Variants in BCAN observed in about 807,000 individuals in gnomAD.
BCAN encodes brevican.
Under a neutral mutation model 92.4 loss-of-function variants are expected in BCAN, and 51 were observed. That is an observed-to-expected ratio of 0.55 (90% CI 0.44 to 0.70). BCAN has a LOEUF of 0.70. Among genes scored for constraint, BCAN ranks in the 30% least tolerant of loss-of-function variants. BCAN has a pLI of 0.00. For missense variants in BCAN, 1,140 were observed against 1,212.1 expected, an observed-to-expected ratio of 0.94 and a Z score of 0.88; for synonymous variants, 501 against 505.2, an observed-to-expected ratio of 0.99 and a Z score of 0.11.
At position 156,658,749 on chromosome 1, in the gene BCAN, A is replaced by G. The variant is rs1390398802; in HGVS notation, c.2628+16A>G. 6.2e-7 allele frequency: 1 copy of G among 1,613,668 alleles called. No homozygotes were observed. Among genetic ancestry groups the G allele is most frequent in the Non-Finnish European group, 8.5e-7 (1 of 1,179,882 alleles). On this transcript the variant is annotated intron_variant, in intron 13 of 13. Coordinates refer to ENST00000329117, the MANE Select transcript of BCAN (RefSeq NM_021948.5). This position sits in a 1 kb window ranked among gnomAD's most constrained non-coding sequence, Gnocchi z 4.4. ...CAGAAGACCTGTGAGTGCCAGGAAG[A>G]GGCAGGTGGGAGTGGGAGACAGTAG...
rs763053957 is a variant in BCAN, at chr1:156,658,605, T to C, written c.2500T>C (p.Tyr834His). 10 of 1,613,998 alleles carry C rather than the reference T, an allele frequency of 6.2e-6. No individual in the cohort carries two copies. Among genetic ancestry groups the C allele is most frequent in the Non-Finnish European group, 8.5e-6 (10 of 1,180,004 alleles). The change falls in exon 13 of 14, where the codon TAT becomes CAT. Residue 834 changes from tyrosine to histidine, a missense_variant. Coordinates refer to ENST00000329117, the MANE Select transcript of BCAN (RefSeq NM_021948.5). The surrounding 1 kb of genome is among the most constrained non-coding windows in gnomAD (Gnocchi z 4.4). ...AQVFGRPRLRYEVDTVLRYRC... is the reference protein window; with the variant it reads ...AQVFGRPRLRHEVDTVLRYRC... ...AGTGTTCGGCCGCCCACGGCTGCGC[T>C]ATGAGGTGGACACTGTGCTTCGCTA...
At chr1:156,648,953 A>G (rs901686780) in intron 6 of BCAN, 92 bp downstream of exon 6, 3 of 1,395,522 alleles carry the variant, frequency 2.1e-6, no homozygotes, top group Admixed American at 2.3e-5. Flanking sequence ...AGTTTAGCTC[A>G]GGGCTTTGCC....
At chr1:156,650,388 C>T (rs1679120989) in intron 6 of BCAN, among the ~76,000 whole-genome samples, 1 of 152,142 alleles carries the variant, frequency 6.6e-6, no homozygotes, top group South Asian at 2.1e-4. Flanking sequence ...TCCTGTCTTG[C>T]CTGGCTGAGC....
intron 6 of BCAN, 27 bp from the exon 7 acceptor site, chr1:156,651,429 C>T (rs776239118): frequency 2.2e-5 from 35 of 1,583,348 alleles, no homozygotes; most frequent in Middle Eastern, 3.3e-4. Flanking sequence ...TATTCAGGCT[C>T]GCATCAATAC....
chr1:156,653,712 G>A (rs1031959826), intron 8 of BCAN, among the ~76,000 whole-genome samples: 1 of 152,078 alleles, frequency 6.6e-6, no homozygotes, highest in Non-Finnish European at 1.5e-5. Context: ...TTTCCTTCCT[G>A]GCTGCTAAGA....
At chr1:156,649,929 G>A (rs1557988402) in intron 6 of BCAN, 1 of 519,000 alleles carries the variant, frequency 1.9e-6, no homozygotes, top group Non-Finnish European at 3.8e-6. Context: ...GAAGGATGAA[G>A]ACACAGCTTT....
chr1:156,645,178 C>CT (rs1465026992), intron 1 of BCAN, among the ~76,000 whole-genome samples: 3 of 152,176 alleles, frequency 2.0e-5, no homozygotes, highest in Non-Finnish European at 2.9e-5. Context: ...ATTCTCCCCC[C>CT]CCTTAGTCCA....
At chr1:156,649,902 C>T (rs1679105935) in intron 6 of BCAN, 2 of 518,868 alleles carry the variant, frequency 3.9e-6, no homozygotes, top group Non-Finnish European at 7.7e-6. Flanking sequence ...CCTTGAACCT[C>T]AGGGAGCACT....
rs1679405470 is a variant in BCAN, at chr1:156,658,227, T to C, written c.2393T>C (p.Val798Ala). The C allele has an allele frequency of 6.2e-7, 1 of 1,613,964 alleles. No homozygotes were observed. Among genetic ancestry groups the C allele is most frequent in the African/African-American group, 1.3e-5 (1 of 74,950 alleles). Residue 798 changes from valine to alanine, a missense_variant, in exon 12 of 14, where the codon GTG becomes GCG. Val to Ala is a moderately conservative substitution (Grantham distance 64). Coordinates refer to ENST00000329117, the MANE Select transcript of BCAN (RefSeq NM_021948.5). The surrounding 1 kb of genome is among the most constrained non-coding windows in gnomAD (Gnocchi z 4.4). ...VWHDQGQWSD[V>A]PCNYHLSYTC... ...CATGATCAGGGACAATGGAGTGACG[T>C]GCCCTGCAACTACCACCTGTCCTAC...
rs745556190 is a variant in BCAN, at chr1:156,652,265, A to G, written c.1315A>G (p.Met439Val). The change falls in exon 8 of 14, where the codon ATG (methionine) becomes GTG (valine). Residue 439 changes from methionine (M) to valine (V), a missense_variant. By Grantham distance (21) the Met-to-Val change is conservative. Coordinates refer to ENST00000329117, the MANE Select transcript of BCAN (RefSeq NM_021948.5). ...RTLLEFETQS[M>V]VPPTGFSEEE... The stretch of plus-strand genomic sequence containing the variant: ...TTGCCTAGAATTTGAAACACAATCC[A>G]TGGTACCGCCCACGGGGTTCTCAGA... 2.1e-5 allele frequency: 33 copies of G among 1,598,048 alleles called. No individual in the cohort carries two copies. The highest frequency in any genetic ancestry group is 2.7e-5 in the African/African-American group (2 of 74,530).
At chr1:156,655,353 G>A (rs1354246917) in intron 8 of BCAN, among the ~76,000 whole-genome samples, 2 of 152,262 alleles carry the variant, frequency 1.3e-5, no homozygotes, top group Non-Finnish European at 2.9e-5. Flanking sequence ...CTTCAGGGCA[G>A]TGTGTTAGTC....
intron 2 of BCAN, chr1:156,646,587 T>C: frequency 1.4e-6 from 1 of 720,562 alleles, no homozygotes; most frequent in Non-Finnish European, 2.1e-6. Flanking sequence ...ACTGGGAGAC[T>C]TTGGGGGATG....
chr1:156,651,503 A>C lies in BCAN; in HGVS notation c.1111A>C (p.Asn371His), dbSNP rs772735056. 1 of 1,613,730 alleles carries C rather than the reference A, an allele frequency of 6.2e-7. No homozygotes were observed. ...AIPEASNPAS[N>H]PASDGLEAIV... Reference sequence around the variant, plus strand: ...CCCTGAGGCCTCCAACCCAGCCTCCAACCCAGCCTCTGATGGACTAGAGGC... The same window carrying C: ...CCCTGAGGCCTCCAACCCAGCCTCCCACCCAGCCTCTGATGGACTAGAGGC... Residue 371 changes from asparagine to histidine, a missense_variant, in exon 7 of 14, where the codon AAC becomes CAC. By Grantham distance (68) the Asn-to-His change is moderately conservative. Transcript: ENST00000329117.
chr1:156,645,718 T>C (rs1678939890), intron 1 of BCAN, among the ~76,000 whole-genome samples: 1 of 152,148 alleles, frequency 6.6e-6, no homozygotes, highest in Non-Finnish European at 1.5e-5. Flanking sequence ...AGTTTTAAGA[T>C]ACTAAACACT....
At chr1:156,651,255 G>C (rs966340623) in intron 6 of BCAN, among the ~76,000 whole-genome samples, 2 of 152,214 alleles carry the variant, frequency 1.3e-5, no homozygotes, top group Non-Finnish European at 2.9e-5. Context: ...GTGCCCAGGG[G>C]AATGCTTGGC....
In BCAN at chr1:156,648,808, A is replaced by G. The variant is rs1352159131; in HGVS notation, c.1010A>G (p.Asn337Ser). 61 of 1,593,654 alleles carry G rather than the reference A, an allele frequency of 3.8e-5. No homozygotes were observed. The highest frequency in any genetic ancestry group is 5.2e-5 in the Non-Finnish European group (60 of 1,163,732). The change falls in exon 6 of 14, where the codon AAC becomes AGC. Residue 337 changes from asparagine (N) to serine (S), a missense_variant. Physicochemically the swap from Asn to Ser is conservative, Grantham distance 46. This residue lies in a region of BCAN where 825 missense variants were observed against 871.8 expected (regional missense o/e 0.95). Transcript: ENST00000329117. The part of the protein sequence containing the change: ...PGVKTLFLFP[N>S]QTGFPNKHSR... ...GTCAAGACTCTCTTCCTCTTCCCCA[A>G]CCAGACTGGCTTCCCCAATAAGCAC...
At chr1:156,657,589 A>G (rs1679377638) in intron 10 of BCAN, 86 bp from the exon 11 acceptor site, 2 of 1,114,308 alleles carry the variant, frequency 1.8e-6, no homozygotes, top group East Asian at 5.3e-5. Flanking sequence ...AAGGGTTTCC[A>G]AGGCAGTCAC....
chr1:156,648,431 T>C, intron 5 of BCAN, 137 bp from the exon 6 acceptor site: 1 of 986,270 alleles, frequency 1.0e-6, no homozygotes. Flanking sequence ...ATTCAGACTA[T>C]GATCCTATGA....
intron 8 of BCAN, 84 bp downstream of exon 8, chr1:156,652,976 C>G: frequency 6.4e-7 from 1 of 1,566,406 alleles, no homozygotes; most frequent in Non-Finnish European, 8.7e-7. Context: ...ACCTGTAGTC[C>G]TTTAACCCAC....
Sources: allele counts gnomAD v4.1 joint callset (sites outside exome capture counted in the v4.1 genomes callset), GRCh38; gene constraint gnomAD v4.1.1; regional missense constraint gnomAD v4.1.1; non-coding constraint Gnocchi (gnomAD v3.1); transcripts MANE v1.5; gene names NCBI Gene and HGNC (gene_info 2026-07-23, HGNC 2026-07-21).